The following DOK7 variants were observed in gnomAD, a reference collection of about 807,000 sequenced individuals.
DOK7 encodes docking protein 7.
Under a neutral mutation model 30.7 loss-of-function variants are expected in DOK7, and 32 were observed. That is an observed-to-expected ratio of 1.04 (90% CI 0.79 to 1.40). The LOEUF (loss-of-function observed/expected upper bound fraction) is 1.40. Ranked by LOEUF, DOK7 falls within the 40% of genes most tolerant of loss-of-function variation. The probability of loss-of-function intolerance (pLI) is 0.00; values close to 1 mark genes in which losing one functional copy is unlikely to be tolerated. For synonymous variants in DOK7, 447 were observed against 324.1 expected (o/e 1.38, Z -4.07); for missense variants, 1,007 against 699.2 (o/e 1.44, Z -4.97).
chr4:3,478,420 T>C (rs1270368758), intron 4 of DOK7, among the ~76,000 whole-genome samples: 1 of 152,212 alleles, frequency 6.6e-6, no homozygotes, highest in East Asian at 1.9e-4. Flanking sequence ...GGGGGCACTC[T>C]TGTGGGGCCG....
chr4:3,476,280 C>T, intron 3 of DOK7, 62 bp from the exon 4 acceptor site: 1 of 1,454,210 alleles, frequency 6.9e-7, no homozygotes, highest in African/African-American at 1.4e-5. Flanking sequence ...CTCACCCCAC[C>T]CGCCCGTGAT....
chr4:3,469,925 T>C (rs2109329147), intron 2 of DOK7, among the ~76,000 whole-genome samples: 1 of 152,336 alleles, frequency 6.6e-6, no homozygotes, highest in East Asian at 1.9e-4. Flanking sequence ...AGCTCTGACC[T>C]CTCGGCTTCT....
chr4:3,482,288 A>T (rs1727484207), intron 4 of DOK7, among the ~76,000 whole-genome samples: 1 of 152,168 alleles, frequency 6.6e-6, no homozygotes, highest in Non-Finnish European at 1.5e-5. Context: ...AGGACAGCTC[A>T]TCTCTGCCCC....
At chr4:3,498,478 T>TA (rs1729032250), downstream of DOK7, among the ~76,000 whole-genome samples, 1 of 152,118 alleles carries the variant, frequency 6.6e-6, no homozygotes, top group Admixed American at 6.5e-5. Flanking sequence ...GATGCAATCC[T>TA]AAAACGAGGT....
chr4:3,495,457 C>T (rs984548326), downstream of DOK7, among the ~76,000 whole-genome samples: 3 of 152,250 alleles, frequency 2.0e-5, no homozygotes, highest in African/African-American at 4.8e-5. Context: ...GGCCTCTTGC[C>T]TGGCGGGGCT....
intron 2 of DOK7, 148 bp from the exon 3 acceptor site, chr4:3,473,258 C>T (rs553285053): frequency 2.4e-5 from 17 of 706,958 alleles, no homozygotes; most frequent in South Asian, 6.7e-5. Context: ...TTTTGTATGC[C>T]GGGAGTCGAA....
In DOK7 at chr4:3,493,052, G is replaced by T; in HGVS notation, c.1066G>T (p.Ala356Ser). 2.5e-6 allele frequency: 4 copies of T among 1,573,502 alleles called. No individual in the cohort carries two copies. Among genetic ancestry groups the T allele is most frequent in the South Asian group, 1.1e-5 (1 of 87,190 alleles). Residue 356 changes from alanine to serine, a missense_variant, in exon 7 of 7, where the codon GCG becomes TCG. Coordinates refer to ENST00000340083, the MANE Select transcript of DOK7 (RefSeq NM_173660.5). ...SSYSSSLSSY[A>S]GSSLDVWRAT... ...TTACTCCAGCAGCCTCTCGTCCTACGCGGGCAGCAGCCTGGACGTGTGGCG... is the reference window on the plus strand; with the variant it reads ...TTACTCCAGCAGCCTCTCGTCCTACTCGGGCAGCAGCCTGGACGTGTGGCG...
chr4:3,485,597 C>T lies in DOK7; in HGVS notation c.591C>T (p.Asp197=). ...AEGEQISFLF[D]CIVRGISPTK... ...GGGAGCAGATCAGCTTCCTGTTCGACTGCATCGTCCGAGGCATCTCCCCCA... is the reference window on the plus strand; with the variant it reads ...GGGAGCAGATCAGCTTCCTGTTCGATTGCATCGTCCGAGGCATCTCCCCCA... Residue 197 remains aspartate (D), a synonymous_variant, in exon 5 of 7, where the codon GAC becomes GAT. Coordinates refer to ENST00000340083, the MANE Select transcript of DOK7 (RefSeq NM_173660.5). 6.2e-7 allele frequency: 1 copy of T among 1,608,264 alleles called. No homozygotes were observed. Among genetic ancestry groups the T allele is most frequent in the South Asian group, 1.1e-5 (1 of 90,294 alleles).
chr4:3,473,144 C>G (rs554463681), intron 2 of DOK7, among the ~76,000 whole-genome samples: 21 of 152,364 alleles, frequency 1.4e-4, no homozygotes, highest in Admixed American at 4.6e-4. Context: ...GTCCAGAACC[C>G]AGTCATGGGA....
intron 2 of DOK7, among the ~76,000 whole-genome samples, chr4:3,465,641 G>A (rs1237826229): frequency 6.6e-6 from 1 of 152,250 alleles, no homozygotes; most frequent in African/African-American, 2.4e-5. Context: ...AAGGTTTAGC[G>A]AATGAAAGGG....
exon 8 of DOK7, chr4:3,501,225 G>A (rs373592678): frequency 3.5e-5 from 7 of 200,028 alleles, no homozygotes; most frequent in East Asian, 1.4e-4. Flanking sequence ...GATGACAGCC[G>A]TGTCCTGGCA....
intron 4 of DOK7, among the ~76,000 whole-genome samples, chr4:3,477,186 C>T (rs573592365): frequency 6.6e-6 from 1 of 152,394 alleles, no homozygotes; most frequent in African/African-American, 2.4e-5. Context: ...GCAACCCCCT[C>T]CACTTTCTCC....
At chr4:3,483,833 C>T (rs1284377345) in intron 4 of DOK7, among the ~76,000 whole-genome samples, 2 of 152,230 alleles carry the variant, frequency 1.3e-5, no homozygotes, top group Non-Finnish European at 1.5e-5. Flanking sequence ...AGCCAGCAGA[C>T]AGCATGACGG....
Position 3,493,530 on chromosome 4 carries a change from A to C in DOK7, c.*29A>C, listed in dbSNP as rs1728690619. On this transcript the variant is annotated 3_prime_UTR_variant, in exon 7 of 7. Transcript: ENST00000340083. ...CCGCAGATCCCGCCCCGCGGCTGCA[A>C]AGGGGCTGAATTTGCCCCCAGATGG... 4 of 1,605,400 alleles carry C rather than the reference A, an allele frequency of 2.5e-6. No individual in the cohort carries two copies. The highest frequency in any genetic ancestry group is 1.3e-5 in the African/African-American group (1 of 74,772).
At chr4:3,472,740 C>T (rs959188270) in intron 2 of DOK7, among the ~76,000 whole-genome samples, 2 of 152,182 alleles carry the variant, frequency 1.3e-5, no homozygotes, top group African/African-American at 4.8e-5. Context: ...GACGGGGACC[C>T]GAGTTGCCCT....
At chr4:3,486,362 GC>G (rs1727790073) in intron 5 of DOK7, among the ~76,000 whole-genome samples, 1 of 152,262 alleles carries the variant, frequency 6.6e-6, no homozygotes, top group Admixed American at 6.5e-5. Context: ...CACGAGGGCA[GC>G]GCTTGACCCA....
rs1248986109 is a variant in DOK7, at chr4:3,492,986, A to AGCTCCTCGGAC, written c.1001_1011dup (p.Ser338AlafsTer122). 3.9e-6 allele frequency: 6 copies of AGCTCCTCGGAC among 1,556,810 alleles called. No homozygotes were observed. The highest frequency in any genetic ancestry group is 1.4e-5 in the African/African-American group (1 of 73,950). ...GCAGCTGCAGGAGGTTGGCCGCCAG[A>AGCTCCTCGGAC]GCTCCTCGGACAGCGGCATCGCCAC... On this transcript the variant is annotated frameshift_variant, in exon 7 of 7. Transcript: ENST00000340083. LOFTEE classifies it low-confidence loss of function (END_TRUNC).
rs1301137184 is a variant in DOK7, at chr4:3,490,459, ATTCCT to A, written c.772+667_772+671del. ...TCCTTCATTTCTCTCCTGCTCATTC[ATTCCT>A]TTCTTCTCCCTCTGCTCATTCATTC... On this transcript the variant is annotated intron_variant, in intron 6 of 6. Transcript: ENST00000340083. Among the ~76,000 whole-genome samples the A allele has an allele frequency of 1.0e-3, 90 of 87,582 alleles. 3 individuals are homozygous for A. The highest frequency in any genetic ancestry group is 3.8e-3 in the African/African-American group (88 of 23,012). 57.5% of individuals were successfully genotyped at this position (87,582 alleles called of 152,430 possible).
Position 3,494,400 on chromosome 4 carries a change from C to A in DOK7, c.*899C>A. 1.0e-5 allele frequency: 10 copies of A among 986,020 alleles called. No homozygotes were observed. Among genetic ancestry groups the A allele is most frequent in the Non-Finnish European group, 1.2e-5 (10 of 830,364 alleles). The allele number at this position is 986,020 out of a possible 1,614,324, so 61.1% of individuals were successfully genotyped here. ...CCACAGCCCAGCAGCTCCCTGTGAACACCTCTTTGTCCCTTCACTGTCAGC... is the reference window on the plus strand; with the variant it reads ...CCACAGCCCAGCAGCTCCCTGTGAAAACCTCTTTGTCCCTTCACTGTCAGC... On this transcript the variant is annotated 3_prime_UTR_variant, in exon 7 of 7. Coordinates refer to ENST00000340083, the MANE Select transcript of DOK7 (RefSeq NM_173660.5).
Sources: allele counts gnomAD v4.1 joint callset (sites outside exome capture counted in the v4.1 genomes callset), GRCh38; gene constraint gnomAD v4.1.1; transcripts MANE v1.5; gene names NCBI Gene and HGNC (gene_info 2026-07-23, HGNC 2026-07-21).